SYNPR: variants seen among roughly 807,000 people sequenced by gnomAD.
The protein encoded by SYNPR is synaptoporin.
In SYNPR, 23 loss-of-function variants were observed where a neutral mutation model predicts 32.9. The ratio of observed to expected loss-of-function variants is 0.70; its 90% CI spans 0.50 to 0.99. SYNPR has a LOEUF of 0.99. SYNPR is among the 50% of genes least tolerant of loss of function. The pLI, the probability that SYNPR is intolerant of heterozygous loss-of-function variation, is 0.00. For missense variants in SYNPR, 318 were observed against 349.3 expected, an observed-to-expected ratio of 0.91 and a Z score of 0.71; for synonymous variants, 146 against 135.9, an observed-to-expected ratio of 1.07 and a Z score of -0.52.
At chr3:63,441,844 G>A (rs1700183270) in intron 2 of SYNPR, among the ~76,000 whole-genome samples, 1 of 152,208 alleles carries the variant, frequency 6.6e-6, no homozygotes, top group Non-Finnish European at 1.5e-5. Context: ...CCTGAGCCCA[G>A]TTTGCAGGTG....
chr3:63,505,865 G>A (rs1701577114), intron 3 of SYNPR, among the ~76,000 whole-genome samples: 1 of 151,986 alleles, frequency 6.6e-6, no homozygotes, highest in African/African-American at 2.4e-5. Context: ...TTCAATCAAT[G>A]ACATTAATGC....
upstream of SYNPR, among the ~76,000 whole-genome samples, chr3:63,225,887 T>C (rs1348085119): frequency 6.6e-6 from 1 of 151,580 alleles, no homozygotes; most frequent in African/African-American, 2.4e-5. Flanking sequence ...TGGCAGAAAA[T>C]ATTTGCAAAC....
chr3:63,304,741 G>A, intron 2 of SYNPR, among the ~76,000 whole-genome samples: 1 of 151,582 alleles, frequency 6.6e-6, no homozygotes, highest in South Asian at 2.1e-4. Flanking sequence ...GTCATGAACA[G>A]TTGGCCTTTT....
At chr3:63,520,779 T>C (rs1701897079) in intron 3 of SYNPR, among the ~76,000 whole-genome samples, 1 of 152,036 alleles carries the variant, frequency 6.6e-6, no homozygotes, top group Non-Finnish European at 1.5e-5. Flanking sequence ...TGAATCCAAG[T>C]CATGTCTGAC....
chr3:63,393,492 TTC>T, intron 2 of SYNPR, among the ~76,000 whole-genome samples: 1 of 128,922 alleles, frequency 7.8e-6, no homozygotes, highest in Non-Finnish European at 1.6e-5. Context: ...TCTTTCTTTC[TTC>T]TCTTTTTTTT....
At chr3:63,278,846 A>G (rs2086601572) in intron 2 of SYNPR, 104 bp downstream of exon 2, 2 of 1,268,438 alleles carry the variant, frequency 1.6e-6, no homozygotes, top group African/African-American at 3.2e-5. Context: ...CAAGCCGGAG[A>G]TTCAACCCTC....
intron 2 of SYNPR, among the ~76,000 whole-genome samples, chr3:63,387,855 T>A (rs2088074682): frequency 6.6e-6 from 1 of 152,182 alleles, no homozygotes; most frequent in Non-Finnish European, 1.5e-5. Flanking sequence ...CCGACTGCTA[T>A]GTGGCACAGG....
chr3:63,220,457 G>A, the SYNPR span, among the ~76,000 whole-genome samples: 1 of 152,178 alleles, frequency 6.6e-6, no homozygotes, highest in East Asian at 1.9e-4. Context: ...GCTGGGGCTG[G>A]GGGTTTGAAA....
At chr3:63,544,692 T>C (rs1230185216) in intron 3 of SYNPR, among the ~76,000 whole-genome samples, 1 of 152,104 alleles carries the variant, frequency 6.6e-6, no homozygotes, top group Non-Finnish European at 1.5e-5. Flanking sequence ...CTGTTTCCAG[T>C]TCTTTAAAAT....
At chr3:63,292,708 C>T (rs1157450075) in intron 2 of SYNPR, among the ~76,000 whole-genome samples, 2 of 152,214 alleles carry the variant, frequency 1.3e-5, no homozygotes, top group African/African-American at 4.8e-5. Context: ...TATTCTTTTA[C>T]TGCAAAACTT....
At chr3:63,411,675 C>G (rs1341719314) in intron 2 of SYNPR, among the ~76,000 whole-genome samples, 1 of 151,892 alleles carries the variant, frequency 6.6e-6, no homozygotes. Context: ...GTTCAAAGAC[C>G]CTAGAGACAG....
At chr3:63,467,640 G>T (rs1700709021) in intron 2 of SYNPR, among the ~76,000 whole-genome samples, 1 of 152,180 alleles carries the variant, frequency 6.6e-6, no homozygotes, top group Non-Finnish European at 1.5e-5. Context: ...AGTAGCAGCA[G>T]CAGTTGTTGT....
At chr3:63,501,502 AAAAAAAAAAAAAG>A (rs1225306970) in intron 3 of SYNPR, among the ~76,000 whole-genome samples, 70 of 130,680 alleles carry the variant, frequency 5.4e-4, no homozygotes, top group African/African-American at 2.1e-3. Flanking sequence ...ACCAAAAAAA[AAAAAAAAAAAAAG>A]AAAAGAAAAA....
chr3:63,408,666 G>A (rs1022971428), intron 2 of SYNPR, among the ~76,000 whole-genome samples: 10 of 152,158 alleles, frequency 6.6e-5, no homozygotes, highest in Non-Finnish European at 1.2e-4. Context: ...AGCTCCAGGA[G>A]AGAGAGCACA....
intron 2 of SYNPR, among the ~76,000 whole-genome samples, chr3:63,467,920 C>T (rs76041354): frequency 0.012 from 1,834 of 152,170 alleles, 36 homozygotes; most frequent in African/African-American, 0.042. Context: ...AATAATCAGG[C>T]TGGGCACGGT....
At chr3:63,345,051 C>T (rs2087419618) in intron 2 of SYNPR, among the ~76,000 whole-genome samples, 1 of 152,158 alleles carries the variant, frequency 6.6e-6, no homozygotes, top group South Asian at 2.1e-4. Context: ...CTGATGTTAT[C>T]TAAAGGGACA....
intron 2 of SYNPR, among the ~76,000 whole-genome samples, chr3:63,291,425 C>A (rs1400372684): frequency 6.6e-6 from 1 of 152,066 alleles, no homozygotes; most frequent in Non-Finnish European, 1.5e-5. Context: ...GTCCTCAAAC[C>A]CAGAAAATTA....
In SYNPR at chr3:63,480,895, G is replaced by T. The variant is rs1701033621; in HGVS notation, c.148G>T (p.Asp50Tyr). 2 of 1,613,600 alleles carry T rather than the reference G, an allele frequency of 1.2e-6. No homozygotes were observed. The change falls in exon 3 of 6, where the codon GAC (aspartate) becomes TAC (tyrosine). Residue 50 changes from aspartate (D) to tyrosine (Y), a missense_variant. Physicochemically the swap from Asp to Tyr is radical, Grantham distance 160. Coordinates refer to ENST00000478300, the MANE Select transcript of SYNPR (RefSeq NM_001130003.2). ...GYSGGLRLSV[D>Y]CVNKTESNLS... is the part of the protein sequence containing the mutation. ...TTCTGGAGGCCTGCGGCTGAGTGTGGACTGCGTCAACAAGACAGAAAGTAA... is the reference window on the plus strand; with the variant it reads ...TTCTGGAGGCCTGCGGCTGAGTGTGTACTGCGTCAACAAGACAGAAAGTAA...
chr3:63,453,744 G>A (rs770621116), intron 2 of SYNPR, among the ~76,000 whole-genome samples: 10 of 152,014 alleles, frequency 6.6e-5, no homozygotes, highest in Non-Finnish European at 1.2e-4. Flanking sequence ...TTACGTTTTT[G>A]AGCCTCCGTT....
Sources: allele counts gnomAD v4.1 joint callset (sites outside exome capture counted in the v4.1 genomes callset), GRCh38; gene constraint gnomAD v4.1.1; transcripts MANE v1.5; gene names NCBI Gene and HGNC (gene_info 2026-07-23, HGNC 2026-07-21).